ADAMTS3: variants seen among roughly 807,000 people sequenced by gnomAD.
ADAMTS3 encodes the protein A disintegrin and metalloproteinase with thrombospondin motifs 3.
In ADAMTS3, 73 loss-of-function variants were observed where a neutral mutation model predicts 129.0. The ratio of observed to expected loss-of-function variants is 0.57; its 90% CI spans 0.47 to 0.69. The LOEUF (loss-of-function observed/expected upper bound fraction) is 0.69. Among genes scored for constraint, ADAMTS3 ranks in the 30% least tolerant of loss-of-function variants. The pLI is 0.00. For missense variants in ADAMTS3, 1,457 were observed against 1,514.5 expected (o/e 0.96, Z 0.63); for synonymous variants, 477 against 510.8 (o/e 0.93, Z 0.89).
intron 3 of ADAMTS3, among the ~76,000 whole-genome samples, chr4:72,462,069 C>T (rs1718785298): frequency 6.6e-6 from 1 of 151,866 alleles, no homozygotes; most frequent in African/African-American, 2.4e-5. Flanking sequence ...AACTCACACA[C>T]ATTGCAGTTG....
chr4:72,321,145 G>T (rs1487535666), intron 6 of ADAMTS3, among the ~76,000 whole-genome samples: 3 of 151,800 alleles, frequency 2.0e-5, no homozygotes, highest in Admixed American at 2.0e-4. Context: ...TTTACCTGTG[G>T]GAAAGTCAAA....
At chr4:72,529,454 A>C (rs937742030) in intron 3 of ADAMTS3, among the ~76,000 whole-genome samples, 4 of 151,242 alleles carry the variant, frequency 2.6e-5, no homozygotes, top group Non-Finnish European at 5.9e-5. Context: ...TCTTGAAGAG[A>C]ACAGTAATTC....
intron 3 of ADAMTS3, among the ~76,000 whole-genome samples, chr4:72,430,176 T>C (rs760210517): frequency 4.6e-5 from 7 of 152,062 alleles, no homozygotes; most frequent in Non-Finnish European, 7.4e-5. Flanking sequence ...TGGCACTCCC[T>C]CATCAAGAGA....
intron 3 of ADAMTS3, among the ~76,000 whole-genome samples, chr4:72,521,356 T>A (rs1175043146): frequency 6.6e-6 from 1 of 152,198 alleles, no homozygotes; most frequent in Non-Finnish European, 1.5e-5. Flanking sequence ...ACCAGTTATA[T>A]GCAGTTAGCT....
At chr4:72,356,364 CACT>C (rs1720581695) in intron 4 of ADAMTS3, among the ~76,000 whole-genome samples, 1 of 151,714 alleles carries the variant, frequency 6.6e-6, no homozygotes, top group Non-Finnish European at 1.5e-5. Context: ...CAGAGGCACA[CACT>C]ATTATATGAT....
intron 4 of ADAMTS3, among the ~76,000 whole-genome samples, chr4:72,355,974 T>C (rs1720572068): frequency 6.6e-6 from 1 of 151,964 alleles, no homozygotes; most frequent in South Asian, 2.1e-4. Context: ...GGGACATATA[T>C]AAATGGTTTT....
chr4:72,309,349 T>A, intron 15 of ADAMTS3, 48 bp downstream of exon 15: 1 of 1,594,190 alleles, frequency 6.3e-7, no homozygotes, highest in Non-Finnish European at 8.6e-7. Context: ...CCTCAAAAAG[T>A]ACAAATCACA....
At chr4:72,564,825 A>G (rs1196522373) in intron 2 of ADAMTS3, among the ~76,000 whole-genome samples, 2 of 152,208 alleles carry the variant, frequency 1.3e-5, no homozygotes, top group African/African-American at 2.4e-5. Context: ...CATATAAGAT[A>G]TATTTTTGAA....
At chr4:72,326,505 T>A (rs1719702749) in intron 5 of ADAMTS3, among the ~76,000 whole-genome samples, 1 of 152,082 alleles carries the variant, frequency 6.6e-6, no homozygotes, top group African/African-American at 2.4e-5. Context: ...TGTTCCCAGT[T>A]TGGCCACGGA....
At chr4:72,414,627 T>C (rs1391828379) in intron 4 of ADAMTS3, among the ~76,000 whole-genome samples, 188 bp downstream of exon 4, 1 of 152,026 alleles carries the variant, frequency 6.6e-6, no homozygotes, top group African/African-American at 2.4e-5. Flanking sequence ...AATAAATATC[T>C]GTAACATATA....
At chr4:72,370,284 G>A (rs1256598457) in intron 4 of ADAMTS3, among the ~76,000 whole-genome samples, 1 of 152,142 alleles carries the variant, frequency 6.6e-6, no homozygotes, top group Non-Finnish European at 1.5e-5. Context: ...CAGCCTGGTG[G>A]TGAATCCTCC....
chr4:72,284,361 C>T (rs537052512), intron 21 of ADAMTS3, among the ~76,000 whole-genome samples: 57 of 151,052 alleles, frequency 3.8e-4, no homozygotes, highest in Non-Finnish European at 7.8e-4. Context: ...AGGAGAGTGG[C>T]GTGAACCCAG....
chr4:72,345,086 T>A (rs190523999), intron 4 of ADAMTS3, among the ~76,000 whole-genome samples: 67 of 152,274 alleles, frequency 4.4e-4, no homozygotes, highest in Middle Eastern at 3.4e-3. Flanking sequence ...ATACGATTCA[T>A]GTTACCAAAA....
At chr4:72,348,700 G>A (rs1243253851) in intron 4 of ADAMTS3, among the ~76,000 whole-genome samples, 2 of 151,968 alleles carry the variant, frequency 1.3e-5, no homozygotes, top group Non-Finnish European at 2.9e-5. Context: ...AGAAGGGAAA[G>A]TCAGAAATAA....
intron 4 of ADAMTS3, among the ~76,000 whole-genome samples, chr4:72,360,849 A>G (rs1225483405): frequency 6.6e-6 from 1 of 152,096 alleles, no homozygotes; most frequent in Non-Finnish European, 1.5e-5. Flanking sequence ...ATTTGCTGCA[A>G]TAAAATATCT....
intron 4 of ADAMTS3, among the ~76,000 whole-genome samples, chr4:72,367,921 G>T (rs1578619895): frequency 6.7e-6 from 1 of 150,122 alleles, no homozygotes; most frequent in Admixed American, 7.0e-5. Context: ...CAGGGTGATT[G>T]TTACTCACAT....
chr4:72,470,376 T>TATATATATACAC (rs557625827), intron 3 of ADAMTS3, among the ~76,000 whole-genome samples: 11 of 137,974 alleles, frequency 8.0e-5, no homozygotes, highest in African/African-American at 2.9e-4. Context: ...TATATATATA[T>TATATATATACAC]ACACACACAC....
intron 4 of ADAMTS3, among the ~76,000 whole-genome samples, chr4:72,365,834 C>T (rs537461781): frequency 5.9e-5 from 9 of 152,052 alleles, no homozygotes; most frequent in South Asian, 2.1e-4. Context: ...AAATTTAACA[C>T]GGCAAATAAT....
At chr4:72,437,836 C>T (rs1717989838) in intron 3 of ADAMTS3, among the ~76,000 whole-genome samples, 1 of 151,676 alleles carries the variant, frequency 6.6e-6, no homozygotes, top group Admixed American at 6.6e-5. Flanking sequence ...TGTCTATTTT[C>T]ATTAATATTA....
Sources: allele counts gnomAD v4.1 joint callset (sites outside exome capture counted in the v4.1 genomes callset), GRCh38; gene constraint gnomAD v4.1.1; transcripts MANE v1.5; gene names NCBI Gene and HGNC (gene_info 2026-07-23, HGNC 2026-07-21).